Variants in CDC42BPG observed in about 807,000 individuals in gnomAD.
CDC42BPG encodes serine/threonine-protein kinase MRCK gamma.
CDC42BPG carries 157 observed loss-of-function variants against 192.2 expected under a neutral mutation model. The ratio of observed to expected loss-of-function variants is 0.82; its 90% confidence interval spans 0.72 to 0.93. CDC42BPG has a LOEUF of 0.93. CDC42BPG is among the 40% of genes least tolerant of loss of function. The pLI is 0.00. For synonymous variants in CDC42BPG, 981 were observed against 918.5 expected, an observed-to-expected ratio of 1.07 and a Z score of -1.23; for missense variants, 1,992 against 2,122.1, an observed-to-expected ratio of 0.94 and a Z score of 1.20.
At chr11:64,837,229 C>T (rs1434453394) in intron 9 of CDC42BPG, among the ~76,000 whole-genome samples, 2 of 152,262 alleles carry the variant, frequency 1.3e-5, no homozygotes, top group Middle Eastern at 3.2e-3. Flanking sequence ...AACCCTCATC[C>T]TGGCCCTTAC....
intron 18 of CDC42BPG, 30 bp downstream of exon 18, chr11:64,834,819 C>T: frequency 3.1e-6 from 5 of 1,596,540 alleles, no homozygotes; most frequent in Non-Finnish European, 4.3e-6. Flanking sequence ...CTTGCCCAAG[C>T]CAGCCCCCAG....
intron 3 of CDC42BPG, 44 bp downstream of exon 3, chr11:64,841,606 C>A: frequency 6.4e-7 from 1 of 1,551,662 alleles, no homozygotes; most frequent in Non-Finnish European, 8.9e-7. Context: ...CTCCCCCACA[C>A]CCATTTGTAG....
chr11:64,841,563 C>T lies in CDC42BPG; in HGVS notation c.336+87G>A. On this transcript the variant is annotated intron_variant, in intron 3 of 36. Coordinates refer to ENST00000342711, the MANE Select transcript of CDC42BPG (RefSeq NM_017525.3). ...TTGCCTGGTCTGCAGCCTTGCCCGC[C>T]CCCCCCGCGCCATAGGCCCTGGCAG... The T allele has an allele frequency of 8.1e-6, 9 of 1,105,488 alleles. 1 individual carries two copies. In the South Asian group the frequency reaches 1.2e-4, roughly 15 times the overall value. 68.5% of individuals were successfully genotyped at this position (1,105,488 alleles called of 1,614,324 possible).
In CDC42BPG at chr11:64,835,743, A is replaced by AG; in HGVS notation, c.1758+18dup. ...GCTGGTGGGGAAGCACCTCTTGCCA[A>AG]GGGGGAGGACTTGACTACCTTGGCC... On this transcript the variant is annotated intron_variant, in intron 14 of 36. Coordinates refer to ENST00000342711, the MANE Select transcript of CDC42BPG (RefSeq NM_017525.3). 6.2e-7 allele frequency: 1 copy of AG among 1,613,092 alleles called. No homozygotes were observed. The highest frequency in any genetic ancestry group is 8.5e-7 in the Non-Finnish European group (1 of 1,179,628).
chr11:64,831,512 G>A lies in CDC42BPG; in HGVS notation c.3297C>T (p.Ala1099=). Residue 1099 remains alanine (A), a synonymous_variant, in exon 28 of 37, where the codon GCC becomes GCT. Transcript: ENST00000342711. The stretch of plus-strand genomic sequence containing the variant: ...TCCCCTCCACCAGCTCACCGAGGAT[G>A]GCAGCGCAGAGCGTGTGAGGCAGCA... ...LPLLPHTLCA[A]ILDQDRLALG... 1 of 1,608,220 alleles carries A rather than the reference G, an allele frequency of 6.2e-7. No individual in the cohort carries two copies. The highest frequency in any genetic ancestry group is 1.1e-5 in the South Asian group (1 of 90,802).
chr11:64,830,047 G>T lies in CDC42BPG; in HGVS notation c.3391C>A (p.Arg1131=). The change falls in exon 30 of 37, where the codon CGG becomes AGG. Residue 1131 remains arginine, a synonymous_variant. Coordinates refer to ENST00000342711, the MANE Select transcript of CDC42BPG (RefSeq NM_017525.3). ...CTCAAGGTCAGCTGCTGCACGCGCCGGCACTCCCCCACCTGGAAGATGTCT... is the reference window on the plus strand; with the variant it reads ...CTCAAGGTCAGCTGCTGCACGCGCCTGCACTCCCCCACCTGGAAGATGTCT... ...SNDIFQVGEC[R]RVQQLTLSPS... The T allele has an allele frequency of 6.2e-7, 1 of 1,612,486 alleles. No individual in the cohort carries two copies. Among genetic ancestry groups the T allele is most frequent in the Non-Finnish European group, 8.5e-7 (1 of 1,179,402 alleles).
intron 9 of CDC42BPG, 140 bp from the exon 10 acceptor site, chr11:64,837,159 C>A (rs755351931): frequency 2.1e-5 from 15 of 718,846 alleles, no homozygotes; most frequent in African/African-American, 3.5e-5. Flanking sequence ...ACTGGTGCCA[C>A]GGGTGGCAGC....
rs866963927 is a variant in CDC42BPG at position 64,829,866 on chromosome 11, C to T, written c.3572G>A (p.Arg1191His). 7 of 1,607,882 alleles carry T rather than the reference C, an allele frequency of 4.4e-6. No homozygotes were observed. Among genetic ancestry groups the T allele is most frequent in the Middle Eastern group, 1.7e-4 (1 of 6,028 alleles). Residue 1191 changes from arginine to histidine, a missense_variant, in exon 30 of 37, where the codon CGC becomes CAC. By Grantham distance (29) the Arg-to-His change is conservative. This residue lies in a region of CDC42BPG where 1,656 missense variants were observed against 1,844.3 expected (regional missense o/e 0.90). Coordinates refer to ENST00000342711, the MANE Select transcript of CDC42BPG (RefSeq NM_017525.3). ...GACGGCTACACAGAGCACCGGGGTG[C>T]GGGCCTGCAGGATGCTTCCAGCTGC... The part of the protein sequence containing the change: ...VLAAGSILQA[R>H]TPVLCVAVKR...
At chr11:64,824,643 C>A in intron 36 of CDC42BPG, 114 bp from the exon 37 acceptor site, 1 of 677,516 alleles carries the variant, frequency 1.5e-6, no homozygotes, top group East Asian at 2.7e-5. Context: ...TATCAGGGCC[C>A]CTGGAGGAAG....
chr11:64,830,714 C>T (rs567127600), intron 28 of CDC42BPG, among the ~76,000 whole-genome samples: 6 of 152,326 alleles, frequency 3.9e-5, no homozygotes, highest in South Asian at 4.1e-4. Context: ...TGCTGGGGAA[C>T]GCCAAGGAGC....
At chr11:64,826,391 T>C in intron 36 of CDC42BPG, 79 bp downstream of exon 36, 1 of 967,434 alleles carries the variant, frequency 1.0e-6, no homozygotes, top group Non-Finnish European at 1.6e-6. Context: ...CTAGCCTAGG[T>C]CACTGTGCAA....
chr11:64,829,845 G>T lies in CDC42BPG; in HGVS notation c.3593C>A (p.Ala1198Asp), dbSNP rs775182963. ...GTAGCAGAGCACCTGGCGCTTGACG[G>T]CTACACAGAGCACCGGGGTGCGGGC... ...LQARTPVLCV[A>D]VKRQVLCYQL... is the part of the protein sequence containing the mutation. The change falls in exon 30 of 37, where the codon GCC becomes GAC. Residue 1198 changes from alanine to aspartate, a missense_variant. By Grantham distance (126) the Ala-to-Asp change is moderately radical. This residue lies in a region of CDC42BPG where 1,656 missense variants were observed against 1,844.3 expected (regional missense o/e 0.90). Transcript: ENST00000342711. 1 of 1,607,222 alleles carries T rather than the reference G, an allele frequency of 6.2e-7. No homozygotes were observed. The highest frequency in any genetic ancestry group is 2.2e-5 in the East Asian group (1 of 44,834).
intron 27 of CDC42BPG, 101 bp downstream of exon 27, chr11:64,832,327 G>A: frequency 1.7e-6 from 2 of 1,211,490 alleles, no homozygotes; most frequent in Non-Finnish European, 2.4e-6. Context: ...GTGGTTGTGG[G>A]CTGGCCCAAG....
intron 26 of CDC42BPG, 37 bp downstream of exon 26, chr11:64,832,567 A>G (rs761844925): frequency 3.1e-6 from 5 of 1,613,894 alleles, no homozygotes; most frequent in Middle Eastern, 1.6e-4. Context: ...CCCCCTTACC[A>G]CTAGTCCCTT....
rs1555169343 is a variant in CDC42BPG at position 64,826,766 on chromosome 11, C to G, written c.4418G>C (p.Arg1473Pro). The G allele has an allele frequency of 6.6e-6, 10 of 1,522,676 alleles. No homozygotes were observed. In the East Asian group the frequency reaches 2.4e-4, roughly 36 times the overall value. 94.3% of individuals were successfully genotyped at this position (1,522,676 alleles called of 1,614,324 possible). A position where few individuals can be genotyped will look rare whatever the true frequency, so the allele number is the denominator to read the frequency against. The part of the protein sequence containing the change: ...PAPEEKGRVA[R>P]GSGPQRPHSF... Reference sequence around the variant, plus strand: ...GTGGGGCCGCTGTGGGCCGGAGCCGCGGGCAACTCGGCCCTTCTCTTCGGG... The same window carrying G: ...GTGGGGCCGCTGTGGGCCGGAGCCGGGGGCAACTCGGCCCTTCTCTTCGGG... Residue 1473 changes from arginine to proline, a missense_variant, in exon 35 of 37, where the codon CGC (arginine) becomes CCC (proline). Coordinates refer to ENST00000342711, the MANE Select transcript of CDC42BPG (RefSeq NM_017525.3).
Position 64,841,846 on chromosome 11 carries a change from G to C in CDC42BPG, c.219C>G (p.Ile73Met). The change falls in exon 2 of 37, where the codon ATC becomes ATG. Residue 73 changes from isoleucine (I) to methionine (M), a missense_variant. By Grantham distance (10) the Ile-to-Met change is conservative. Transcript: ENST00000342711. Reference protein sequence around the residue: ...ELRLQRDDFEILKVIGRGAFG... With the variant: ...ELRLQRDDFEMLKVIGRGAFG... ...AGGCTCCTCGGCCGATCACCTTCAA[G>C]ATCTCAAAGTCATCTCTCTGCAGAC... 6.2e-7 allele frequency: 1 copy of C among 1,614,006 alleles called. No individual in the cohort carries two copies. The highest frequency in any genetic ancestry group is 8.5e-7 in the Non-Finnish European group (1 of 1,180,002).
chr11:64,843,337 G>A (rs1565704051), intron 1 of CDC42BPG, among the ~76,000 whole-genome samples: 1 of 151,880 alleles, frequency 6.6e-6, no homozygotes, highest in Non-Finnish European at 1.5e-5. Context: ...GTGTGTGGGT[G>A]TCATGGGGGG....
At position 64,829,489 on chromosome 11, in the gene CDC42BPG, C is replaced by A; in HGVS notation, c.3949G>T (p.Ala1317Ser). 1.2e-6 allele frequency: 2 copies of A among 1,612,812 alleles called. No individual in the cohort carries two copies. Among genetic ancestry groups the A allele is most frequent in the Non-Finnish European group, 1.7e-6 (2 of 1,179,878 alleles). ...KSRGHELLWP[A>S]APMGWGYAAP... The stretch of plus-strand genomic sequence containing the variant: ...GCCTTACCCCAGCCCATGGGCGCTG[C>A]TGGCCACAACAGCTCGTGGCCACGA... Residue 1317 changes from alanine (A) to serine (S), a missense_variant, in exon 30 of 37, where the codon GCA (alanine) becomes TCA (serine). By Grantham distance (99) the Ala-to-Ser change is moderately conservative (BLOSUM62 1). Coordinates refer to ENST00000342711, the MANE Select transcript of CDC42BPG (RefSeq NM_017525.3).
At chr11:64,831,469 C>A in intron 28 of CDC42BPG, 36 bp downstream of exon 28, 3 of 1,571,982 alleles carry the variant, frequency 1.9e-6, no homozygotes, top group Non-Finnish European at 2.6e-6. Context: ...TCCCGCAGGC[C>A]TGAACTGCTT....
Sources: allele counts gnomAD v4.1 joint callset (sites outside exome capture counted in the v4.1 genomes callset), GRCh38; gene constraint gnomAD v4.1.1; regional missense constraint gnomAD v4.1.1; transcripts MANE v1.5; gene names NCBI Gene and HGNC (gene_info 2026-07-23, HGNC 2026-07-21).